SOD2: variants seen among roughly 807,000 people sequenced by gnomAD.
SOD2 encodes the protein superoxide dismutase [Mn], mitochondrial.
SOD2 carries 11 observed loss-of-function variants against 27.0 expected under a neutral mutation model. The ratio of observed to expected loss-of-function variants is 0.41; its 90% confidence interval spans 0.26 to 0.67. The LOEUF is 0.67. Ranked by LOEUF, SOD2 falls within the 30% of genes least tolerant of loss-of-function variation. SOD2 has a pLI of 0.34. For synonymous variants in SOD2, 105 were observed against 103.0 expected, an observed-to-expected ratio of 1.02 and a Z score of -0.12; for missense variants, 250 against 274.5, an observed-to-expected ratio of 0.91 and a Z score of 0.63.
At position 159,710,252 on chromosome 6, in the gene SOD2, G is replaced by A. The variant is rs571610075; in HGVS notation, c.-116+16877C>T. Among the ~76,000 whole-genome samples, 8 of 137,152 alleles carry A rather than the reference G, an allele frequency of 5.8e-5. No homozygotes were observed. The East Asian group carries it at 1.4e-3, about 24-fold the overall frequency. The allele number at this position is 137,152 out of a possible 152,430, so 90.0% of individuals were successfully genotyped here. A position where few individuals can be genotyped will look rare whatever the true frequency, so the allele number is the denominator to read the frequency against. Reference sequence around the variant, plus strand: ...ACGTTCGTTGTGCACATGTACCCTAGAACTTAAAGTATAAATACATATATA... The same window carrying A: ...ACGTTCGTTGTGCACATGTACCCTAAAACTTAAAGTATAAATACATATATA... On this transcript the variant is annotated intron_variant, in intron 1 of 2. Transcript: ENST00000401980.
At chr6:159,749,424 T>G (rs1779742029), upstream of SOD2, 2 of 953,610 alleles carry the variant, frequency 2.1e-6, no homozygotes. Context: ...TTGAAATAGT[T>G]GGTTTTTTTT....
At chr6:159,692,318 CA>C in intron 2 of SOD2, 36 of 951,854 alleles carry the variant, frequency 3.8e-5, no homozygotes, top group Middle Eastern at 2.6e-4. Flanking sequence ...TTTCAATTTG[CA>C]AAAAAAACGA....
At chr6:159,748,402 C>T, upstream of SOD2, 5 of 1,608,612 alleles carry the variant, frequency 3.1e-6, no homozygotes, top group Non-Finnish European at 3.4e-6. The surrounding 1 kb of genome is among the most constrained non-coding windows in gnomAD (Gnocchi z 5.6). Context: ...TCAAGACTTC[C>T]CTGACAGTCC....
At chr6:159,728,697 A>C (rs1028965545), upstream of SOD2, among the ~76,000 whole-genome samples, 9 of 152,204 alleles carry the variant, frequency 5.9e-5, no homozygotes, top group African/African-American at 2.2e-4. Flanking sequence ...GATACATTTT[A>C]ATTCATTCAA....
intron 2 of SOD2, chr6:159,688,448 GA>G (rs1780297133): frequency 2.0e-6 from 1 of 488,852 alleles, no homozygotes; most frequent in Non-Finnish European, 3.7e-6. Flanking sequence ...AGCAGAGGTG[GA>G]AAAGCTAGAA....
intron 1 of SOD2, among the ~76,000 whole-genome samples, chr6:159,708,199 A>G (rs1777663488): frequency 6.6e-6 from 1 of 152,254 alleles, no homozygotes; most frequent in South Asian, 2.1e-4. Flanking sequence ...TTCCCTTTGA[A>G]AACTGGCACA....
intron 2 of SOD2, among the ~76,000 whole-genome samples, chr6:159,690,518 G>A (rs1051344063): frequency 2.6e-5 from 4 of 152,050 alleles, no homozygotes; most frequent in Admixed American, 6.6e-5. Flanking sequence ...GTTGTTTAGC[G>A]ATTCAGAAAG....
chr6:159,748,525 A>G, upstream of SOD2: 1 of 1,400,338 alleles, frequency 7.1e-7, no homozygotes, highest in Non-Finnish European at 9.3e-7. This position sits in a 1 kb window ranked among gnomAD's most constrained non-coding sequence, Gnocchi z 5.6. Context: ...GTAATGGTTA[A>G]TGTAAAACTT....
chr6:159,748,361 G>A (rs1346483517), upstream of SOD2: 7 of 1,613,510 alleles, frequency 4.3e-6, no homozygotes, highest in East Asian at 2.2e-5. The surrounding 1 kb of genome is among the most constrained non-coding windows in gnomAD (Gnocchi z 5.6). Context: ...GGAAGTTTAC[G>A]CCTGATAGGT....
chr6:159,728,180 G>C (rs1468430403), upstream of SOD2, among the ~76,000 whole-genome samples: 9 of 152,358 alleles, frequency 5.9e-5, 1 homozygote, highest in South Asian at 1.7e-3. Context: ...TTTTAAATGA[G>C]TATAAGCATT....
intron 1 of SOD2, among the ~76,000 whole-genome samples, chr6:159,718,509 G>A (rs994145245): frequency 6.6e-6 from 1 of 152,094 alleles, no homozygotes; most frequent in Non-Finnish European, 1.5e-5. Flanking sequence ...TAGAATGTCA[G>A]AAGTCTTTGT....
chr6:159,725,340 G>A (rs1262336868), intron 1 of SOD2, among the ~76,000 whole-genome samples: 1 of 151,964 alleles, frequency 6.6e-6, no homozygotes, highest in Non-Finnish European at 1.5e-5. Context: ...AATCAGCAGG[G>A]GATGGTGGCG....
chr6:159,727,326 A>T (rs563317429), exon 1 of SOD2: 6 of 1,271,178 alleles, frequency 4.7e-6, no homozygotes, highest in Non-Finnish European at 6.1e-6. Context: ...CTGAAAGGCG[A>T]CTCTCCTGTG....
intron 1 of SOD2, among the ~76,000 whole-genome samples, chr6:159,737,164 C>T (rs749549794): frequency 1.6e-4 from 24 of 152,060 alleles, no homozygotes; most frequent in Admixed American, 7.9e-4. Context: ...CATCCCACCT[C>T]GGCCTCCTGA....
intron 1 of SOD2, among the ~76,000 whole-genome samples, chr6:159,702,612 T>A (rs1339440237): frequency 1.8e-5 from 2 of 111,414 alleles, no homozygotes; most frequent in African/African-American, 7.2e-5. Flanking sequence ...AACAATTTTT[T>A]AAAACCTCAG....
intron 1 of SOD2, chr6:159,743,843 G>A (rs1213386810): frequency 6.5e-7 from 1 of 1,528,230 alleles, no homozygotes; most frequent in East Asian, 2.3e-5. Context: ...TTGGTTTTTA[G>A]TCCACATTAT....
chr6:159,715,909 A>G (rs2842964), intron 1 of SOD2, among the ~76,000 whole-genome samples: 60,379 of 150,886 alleles, frequency 0.4, 13,216 homozygotes, highest in Admixed American at 0.52. Context: ...CAAGGAAAAA[A>G]AAAAAAAAAA....
At chr6:159,717,911 G>A (rs1434047275) in intron 1 of SOD2, among the ~76,000 whole-genome samples, 5 of 151,822 alleles carry the variant, frequency 3.3e-5, no homozygotes, top group African/African-American at 9.7e-5. Context: ...GTGTGTGTGT[G>A]TGTGTGTGTG....
intron 1 of SOD2, among the ~76,000 whole-genome samples, chr6:159,723,930 TTATTTTG>T (rs1216998323): frequency 6.6e-6 from 1 of 152,160 alleles, no homozygotes; most frequent in African/African-American, 2.4e-5. Context: ...GGCTATTTTA[TTATTTTG>T]TATTTTGTAG....
Sources: gnomAD v4.1 joint callset for allele counts (sites outside exome capture counted in the v4.1 genomes callset) on GRCh38, gnomAD v4.1.1 for gene constraint, Gnocchi (gnomAD v3.1) non-coding constraint, MANE v1.5 for transcripts, NCBI Gene and HGNC (gene_info 2026-07-23, HGNC 2026-07-21) for gene names.